GPRC5B: variants seen among roughly 807,000 people sequenced by gnomAD.
GPRC5B encodes G protein-coupled receptor class C group 5 member B, also known as G protein-coupled receptor family C group 5 member B.
A neutral mutation model predicts 30.1 loss-of-function variants in GPRC5B; 16 were observed. The ratio of observed to expected loss-of-function variants is 0.53; its 90% CI spans 0.36 to 0.81. The LOEUF (loss-of-function observed/expected upper bound fraction) is 0.81. GPRC5B is among the 30% of genes least tolerant of loss of function. GPRC5B has a pLI of 0.01. For synonymous variants in GPRC5B, 241 were observed against 239.5 expected, an observed-to-expected ratio of 1.01 and a Z score of -0.06; for missense variants, 428 against 544.7, an observed-to-expected ratio of 0.79 and a Z score of 2.13.
intron 2 of GPRC5B, among the ~76,000 whole-genome samples, chr16:19,864,698 C>T (rs1283683174): frequency 6.6e-6 from 1 of 152,242 alleles, no homozygotes; most frequent in Non-Finnish European, 1.5e-5. Flanking sequence ...TCTGTGAGAC[C>T]CAAGGGCTCA....
rs779281037 is a variant in GPRC5B, at chr16:19,871,798, G to T, written c.1030+18C>A. 2 of 1,605,386 alleles carry T rather than the reference G, an allele frequency of 1.2e-6. No individual in the cohort carries two copies. Among genetic ancestry groups the T allele is most frequent in the Admixed American group, 3.3e-5 (2 of 59,924 alleles). ...AATGGTCCCCCGGCCTGACCCAGCC[G>T]GGTGGTGCCCACTTTACCTGCATTG... On this transcript the variant is annotated intron_variant, in intron 2 of 3. Coordinates refer to ENST00000300571, the MANE Select transcript of GPRC5B (RefSeq NM_016235.3).
At chr16:19,878,023 A>C (rs1329419895) in intron 1 of GPRC5B, among the ~76,000 whole-genome samples, 1 of 151,668 alleles carries the variant, frequency 6.6e-6, no homozygotes, top group Non-Finnish European at 1.5e-5. Context: ...ACATGGTGAA[A>C]CCCCGTTTCT....
intron 2 of GPRC5B, among the ~76,000 whole-genome samples, chr16:19,865,991 G>A (rs1409883619): frequency 1.3e-5 from 2 of 152,082 alleles, no homozygotes; most frequent in African/African-American, 4.8e-5. Context: ...GTGCGGTGGC[G>A]TGATCTCAGC....
intron 3 of GPRC5B, among the ~76,000 whole-genome samples, 176 bp from the exon 4 acceptor site, chr16:19,860,720 G>T (rs1327087633): frequency 6.6e-6 from 1 of 152,176 alleles, no homozygotes; most frequent in Non-Finnish European, 1.5e-5. Context: ...TGGTTCTTGG[G>T]AAGCCCAGCT....
rs1372035637 is a variant in GPRC5B at position 19,859,227 on chromosome 16, C to T, written c.*1273G>A. ...GATGCTAGAGGTTATGCTGGCCAAA[C>T]AGTGCAGAGAACATGGGGGCTTTGA... On this transcript the variant is annotated 3_prime_UTR_variant, in exon 4 of 4. Transcript: ENST00000300571. 1.3e-5 allele frequency: 2 copies of T among 152,614 alleles called. No homozygotes were observed. Among genetic ancestry groups the T allele is most frequent in the East Asian group, 3.9e-4 (2 of 5,188 alleles). 9.5% of individuals were successfully genotyped at this position (152,614 alleles called of 1,614,324 possible).
chr16:19,880,229 C>T (rs1472349833), intron 1 of GPRC5B, among the ~76,000 whole-genome samples: 1 of 151,266 alleles, frequency 6.6e-6, no homozygotes, highest in East Asian at 1.9e-4. Flanking sequence ...GTGAGCTCTT[C>T]TGAAACTGAT....
At chr16:19,884,907 G>T, upstream of GPRC5B, 1 of 967,848 alleles carries the variant, frequency 1.0e-6, no homozygotes, top group Non-Finnish European at 1.2e-6. Flanking sequence ...CTGCTGCAGC[G>T]GCCGCGGCCC....
rs182863834 is a variant in GPRC5B, at chr16:19,872,444, C to T, written c.402G>A (p.Ala134=). 279 of 1,613,936 alleles carry T rather than the reference C, an allele frequency of 1.7e-4. No homozygotes were observed. In the East Asian group the frequency reaches 3.8e-3, roughly 22 times the overall value. The change falls in exon 2 of 4, where the codon GCG becomes GCA. Residue 134 remains alanine, a synonymous_variant. Transcript: ENST00000300571. This position sits in a 1 kb window ranked among gnomAD's most constrained non-coding sequence, Gnocchi z 5.0. Reference sequence around the variant, plus strand: ...GGCTCAGCAGGCAGGAGAAGCAGAGCGCAAAGAGGACGCCCCAGAGGAAGC... The same window carrying T: ...GGCTCAGCAGGCAGGAGAAGCAGAGTGCAAAGAGGACGCCCCAGAGGAAGC... ...VRRFLWGVLF[A]LCFSCLLSQA...
chr16:19,861,272 A>G (rs2056620537), intron 3 of GPRC5B, among the ~76,000 whole-genome samples: 1 of 152,150 alleles, frequency 6.6e-6, no homozygotes. Context: ...GAGAAACAAA[A>G]TGGTGTCATT....
chr16:19,865,877 A>G (rs1274464834), intron 2 of GPRC5B, among the ~76,000 whole-genome samples: 2 of 152,198 alleles, frequency 1.3e-5, no homozygotes. Flanking sequence ...AGCTTAAAAA[A>G]TACCTAATAC....
chr16:19,861,087 T>TAAAAAAAAAAAAAAAAAAAAAAAAAAAAA (rs3067833), intron 3 of GPRC5B, among the ~76,000 whole-genome samples: 8 of 93,384 alleles, frequency 8.6e-5, no homozygotes, highest in African/African-American at 3.9e-4. Flanking sequence ...CTGATTTACA[T>TAAAAAAAAAAAAAAAAAAAAAAAAAAAAA]AAAAAAAAAA....
At chr16:19,860,796 A>AT (rs1223448016) in intron 3 of GPRC5B, among the ~76,000 whole-genome samples, 6 of 152,028 alleles carry the variant, frequency 3.9e-5, no homozygotes, top group Non-Finnish European at 8.8e-5. Context: ...AGTCTTGACT[A>AT]TTTTTTCACA....
rs1597622816 is a variant in GPRC5B, at chr16:19,862,126, C to T, written c.1031-153G>A. On this transcript the variant is annotated intron_variant, in intron 2 of 3. Coordinates refer to ENST00000300571, the MANE Select transcript of GPRC5B (RefSeq NM_016235.3). ...CACAAGCCTGATTCAAAACAAAAGT[C>T]ACAAAGGGGCTTTGTTCTCAGGCTC... 7.7e-6 allele frequency: 5 copies of T among 645,196 alleles called. No individual in the cohort carries two copies. The East Asian group carries it at 1.4e-4, about 18-fold the overall frequency. The allele number at this position is 645,196 out of a possible 1,614,324, so 40.0% of individuals were successfully genotyped here. A position where few individuals can be genotyped will look rare whatever the true frequency, so the allele number is the denominator to read the frequency against.
rs1248167129 is a variant in GPRC5B, at chr16:19,872,881, G to A, written c.-1-35C>T. The A allele has an allele frequency of 4.0e-6, 6 of 1,505,076 alleles. No individual in the cohort carries two copies. The highest frequency in any genetic ancestry group is 1.7e-4 in the Middle Eastern group (1 of 5,792). The allele number at this position is 1,505,076 out of a possible 1,614,324, so 93.2% of individuals were successfully genotyped here. A position where few individuals can be genotyped will look rare whatever the true frequency, so the allele number is the denominator to read the frequency against. On this transcript the variant is annotated intron_variant, in intron 1 of 3. Transcript: ENST00000300571. The surrounding 1 kb of genome is among the most constrained non-coding windows in gnomAD (Gnocchi z 5.0). ...CCAAGAGGGGAATGGTTGGGGGGAA[G>A]GAAAGATGAATTCATTGGAAGACTC... is the stretch of plus-strand genomic sequence containing the variant.
intron 1 of GPRC5B, among the ~76,000 whole-genome samples, chr16:19,878,739 G>A (rs912842258): frequency 5.3e-5 from 8 of 152,288 alleles, no homozygotes; most frequent in African/African-American, 1.9e-4. Flanking sequence ...CAGTTGCCGA[G>A]TGAATGGATA....
At position 19,872,630 on chromosome 16, in the gene GPRC5B, G is replaced by A; in HGVS notation, c.216C>T (p.Leu72=). 3 of 1,614,026 alleles carry A rather than the reference G, an allele frequency of 1.9e-6. No homozygotes were observed. Among genetic ancestry groups the A allele is most frequent in the Non-Finnish European group, 8.5e-7 (1 of 1,179,888 alleles). Residue 72 remains leucine, a synonymous_variant, in exon 2 of 4, where the codon CTC becomes CTT. Coordinates refer to ENST00000300571, the MANE Select transcript of GPRC5B (RefSeq NM_016235.3). This position sits in a 1 kb window ranked among gnomAD's most constrained non-coding sequence, Gnocchi z 5.0. ...VAGAGALITL[L]LMLILLVRLP... The stretch of plus-strand genomic sequence containing the variant: ...GCCGCACCAGGAGGATGAGCATCAG[G>A]AGCAGTGTGATCAGGGCGCCCGCCC...
chr16:19,884,693 C>G, intron 1 of GPRC5B, 34 bp downstream of exon 1: 2 of 985,000 alleles, frequency 2.0e-6, no homozygotes, highest in Non-Finnish European at 2.4e-6. Context: ...GTCCCCACAG[C>G]GTCCTCCACT....
Position 19,872,609 on chromosome 16 carries a change from C to T in GPRC5B, c.237G>A (p.Val79=), listed in dbSNP as rs563034984. The T allele has an allele frequency of 6.2e-7, 1 of 1,614,122 alleles. No individual in the cohort carries two copies. Among genetic ancestry groups the T allele is most frequent in the African/African-American group, 1.3e-5 (1 of 75,054 alleles). Residue 79 remains valine, a synonymous_variant, in exon 2 of 4, where the codon GTG becomes GTA. Transcript: ENST00000300571. The surrounding 1 kb of genome is among the most constrained non-coding windows in gnomAD (Gnocchi z 5.0). The stretch of plus-strand genomic sequence containing the variant: ...CCTTCTCCTTGATGAAGGGCAGCCG[C>T]ACCAGGAGGATGAGCATCAGGAGCA... The part of the protein sequence containing the change: ...ITLLLMLILL[V]RLPFIKEKEK...
upstream of GPRC5B, chr16:19,885,412 AG>A: frequency 8.6e-7 from 1 of 1,157,334 alleles, no homozygotes; most frequent in Non-Finnish European, 1.1e-6. The surrounding 1 kb of genome is among the most constrained non-coding windows in gnomAD (Gnocchi z 5.3). Context: ...GGCCTCCTCC[AG>A]GCAGGTTCCT....
Sources: gnomAD v4.1 joint callset for allele counts (sites outside exome capture counted in the v4.1 genomes callset) on GRCh38, gnomAD v4.1.1 for gene constraint, Gnocchi (gnomAD v3.1) non-coding constraint, MANE v1.5 for transcripts, NCBI Gene and HGNC (gene_info 2026-07-23, HGNC 2026-07-21) for gene names.